MPDZ: variants seen among roughly 807,000 people sequenced by gnomAD.
MPDZ encodes multiple PDZ domain crumbs cell polarity complex component.
In MPDZ, 234 loss-of-function variants were observed where a neutral mutation model predicts 239.1. The ratio of observed to expected loss-of-function variants is 0.98; its 90% CI spans 0.88 to 1.09. The LOEUF is 1.09. Among genes scored for constraint, MPDZ ranks in the 50% least tolerant of loss-of-function variants. The probability of loss-of-function intolerance (pLI) is 0.00; values close to 1 mark genes in which losing one functional copy is unlikely to be tolerated. For synonymous variants in MPDZ, 1,048 were observed against 881.3 expected, an observed-to-expected ratio of 1.19 and a Z score of -3.35; for missense variants, 3,175 against 2,510.0, an observed-to-expected ratio of 1.26 and a Z score of -5.66.
chr9:13,268,364 AT>A (rs1972242979), intron 1 of MPDZ, among the ~76,000 whole-genome samples: 1 of 151,968 alleles, frequency 6.6e-6, no homozygotes, highest in Admixed American at 6.6e-5. Flanking sequence ...ATTCAAATAA[AT>A]TTTTTATATC....
intron 26 of MPDZ, 36 bp from the exon 27 acceptor site, chr9:13,143,600 A>T: frequency 6.5e-7 from 1 of 1,534,920 alleles, no homozygotes; most frequent in African/African-American, 1.4e-5. Flanking sequence ...AACGCAAAGG[A>T]AATGTATTGA....
In MPDZ at chr9:13,107,052, C is replaced by A; in HGVS notation, c.6126G>T (p.Gly2042=). 1 of 1,609,482 alleles carries A rather than the reference C, an allele frequency of 6.2e-7. No homozygotes were observed. The highest frequency in any genetic ancestry group is 1.3e-5 in the African/African-American group (1 of 75,004). Residue 2042 remains glycine (G), a synonymous_variant, in exon 47 of 47, where the codon GGG becomes GGT. Transcript: ENST00000319217. ...CATGGGTGACTCCTTCTAGACTCTG[C>A]CCATTGACAGCAATGATCTGATCGC... ...KRGDQIIAVN[G]QSLEGVTHEE...
chr9:13,168,856 C>G (rs1297924930), intron 21 of MPDZ, among the ~76,000 whole-genome samples: 1 of 152,122 alleles, frequency 6.6e-6, no homozygotes, highest in East Asian at 1.9e-4. Flanking sequence ...ATAGAAAGGT[C>G]TCTCAGGGAG....
chr9:13,126,852 AC>A, intron 32 of MPDZ, 80 bp from the exon 33 acceptor site: 1 of 1,136,884 alleles, frequency 8.8e-7, no homozygotes, highest in Non-Finnish European at 1.3e-6. Flanking sequence ...GGTAAGAAAA[AC>A]AACTAAAACT....
At chr9:13,124,516 T>C (rs189255196) in intron 35 of MPDZ, among the ~76,000 whole-genome samples, 7 of 152,322 alleles carry the variant, frequency 4.6e-5, no homozygotes, top group Admixed American at 2.0e-4. Context: ...CTGCAGAGCT[T>C]GAAACTGTTT....
Position 13,175,908 on chromosome 9 carries a change from T to C in MPDZ, c.2932-33A>G, listed in dbSNP as rs113628108. On this transcript the variant is annotated intron_variant, in intron 20 of 46. Transcript: ENST00000319217. ...AAAGAAAAAGAAGTCACAAGTCACA[T>C]GGAAAGGGAAACTAGACTTTGGAGC... The C allele has an allele frequency of 1.3e-3, 2,088 of 1,567,136 alleles. 31 individuals are homozygous for C. The African/African-American group carries it at 0.025, about 19-fold the overall frequency.
chr9:13,185,257 T>C (rs927610152), intron 18 of MPDZ, among the ~76,000 whole-genome samples: 1 of 152,064 alleles, frequency 6.6e-6, no homozygotes, highest in African/African-American at 2.4e-5. Context: ...CAAATGGCTA[T>C]TTCAAGAGCT....
chr9:13,160,867 T>A (rs1424592564), intron 23 of MPDZ, among the ~76,000 whole-genome samples: 2 of 128,702 alleles, frequency 1.6e-5, no homozygotes, highest in East Asian at 2.3e-4. Flanking sequence ...TATATATATA[T>A]ATAAAACAGG....
chr9:13,191,717 C>T lies in MPDZ; in HGVS notation c.1968+414G>A, dbSNP rs183120759. ...AAAAATATTTTTTACCACATATGTACTATGTACACACTATATACTTCAGTT... is the reference window on the plus strand; with the variant it reads ...AAAAATATTTTTTACCACATATGTATTATGTACACACTATATACTTCAGTT... On this transcript the variant is annotated intron_variant, in intron 15 of 46. Transcript: ENST00000319217. Among the ~76,000 whole-genome samples, 107 of 152,256 alleles carry T rather than the reference C, an allele frequency of 7.0e-4. 1 individual carries two copies. Among genetic ancestry groups the T allele is most frequent in the Non-Finnish European group, 2.5e-4 (17 of 68,012 alleles).
chr9:13,236,978 T>G (rs574212117), intron 3 of MPDZ, among the ~76,000 whole-genome samples: 2 of 152,202 alleles, frequency 1.3e-5, no homozygotes, highest in East Asian at 3.9e-4. Flanking sequence ...GTGGATAGAA[T>G]TGTCCAAGAT....
chr9:13,121,710 A>G (rs2131605078), intron 38 of MPDZ, 29 bp downstream of exon 38: 1 of 1,608,650 alleles, frequency 6.2e-7, no homozygotes, highest in Non-Finnish European at 8.5e-7. Flanking sequence ...TTTCCAAGGG[A>G]GCATTGGGTT....
At chr9:13,259,012 G>A (rs1970053674) in intron 1 of MPDZ, among the ~76,000 whole-genome samples, 1 of 151,180 alleles carries the variant, frequency 6.6e-6, no homozygotes, top group Non-Finnish European at 1.5e-5. Context: ...TTGAACCCAG[G>A]AGGCAGAGGC....
chr9:13,168,238 G>C, intron 22 of MPDZ, 128 bp downstream of exon 22: 2 of 825,520 alleles, frequency 2.4e-6, no homozygotes, highest in African/African-American at 1.7e-5. Context: ...TCAATTTCTT[G>C]AGTGATTTAT....
At chr9:13,258,046 C>A (rs1969848084) in intron 1 of MPDZ, among the ~76,000 whole-genome samples, 1 of 152,046 alleles carries the variant, frequency 6.6e-6, no homozygotes, top group Non-Finnish European at 1.5e-5. Context: ...TTACCTGTGA[C>A]CATATGATTC....
chr9:13,136,462 G>C (rs531794651), intron 30 of MPDZ, among the ~76,000 whole-genome samples: 4 of 150,046 alleles, frequency 2.7e-5, no homozygotes, highest in African/African-American at 9.8e-5. Flanking sequence ...CTCCCTAGTA[G>C]CTGGGACTAC....
intron 3 of MPDZ, among the ~76,000 whole-genome samples, chr9:13,246,097 T>C (rs1319645018): frequency 6.6e-6 from 1 of 152,218 alleles, no homozygotes; most frequent in African/African-American, 2.4e-5. Context: ...AATTATGCTT[T>C]TATTTGGGAT....
chr9:13,218,182 G>A (rs985712860), intron 8 of MPDZ, among the ~76,000 whole-genome samples: 1 of 151,764 alleles, frequency 6.6e-6, no homozygotes, highest in African/African-American at 2.4e-5. Context: ...AGTAAAGTTT[G>A]ATTTATTTTT....
At chr9:13,231,534 T>C (rs1962466641) in intron 3 of MPDZ, among the ~76,000 whole-genome samples, 1 of 152,016 alleles carries the variant, frequency 6.6e-6, no homozygotes. Flanking sequence ...CCAGCCTGGG[T>C]GACAAAGAGC....
intron 26 of MPDZ, among the ~76,000 whole-genome samples, chr9:13,144,128 G>A (rs573523282): frequency 6.6e-6 from 1 of 152,122 alleles, no homozygotes; most frequent in East Asian, 1.9e-4. Context: ...TAAAAAAACA[G>A]TAATTTATTA....
Sources: gnomAD v4.1 joint callset for allele counts (sites outside exome capture counted in the v4.1 genomes callset) on GRCh38, gnomAD v4.1.1 for gene constraint, MANE v1.5 for transcripts, NCBI Gene and HGNC (gene_info 2026-07-23, HGNC 2026-07-21) for gene names.